SMCO2: variants seen among roughly 807,000 people sequenced by gnomAD.
SMCO2 encodes single-pass membrane protein with coiled-coil domains 2, also known as single-pass membrane and coiled-coil domain-containing protein 2.
SMCO2 carries 25 observed loss-of-function variants against 29.5 expected under a neutral mutation model. That is an observed-to-expected ratio of 0.85 (90% CI 0.62 to 1.18). The LOEUF is 1.18. Ranked by LOEUF, SMCO2 falls within the 50% of genes most tolerant of loss-of-function variation. The pLI is 0.00. For missense variants in SMCO2, 348 were observed against 344.5 expected, an observed-to-expected ratio of 1.01 and a Z score of -0.08; for synonymous variants, 117 against 123.3, an observed-to-expected ratio of 0.95 and a Z score of 0.34.
At chr12:27,500,628 T>C (rs1943064347) in intron 7 of SMCO2, among the ~76,000 whole-genome samples, 1 of 150,788 alleles carries the variant, frequency 6.6e-6, no homozygotes, top group Non-Finnish European at 1.5e-5. Flanking sequence ...ATTTACTAGA[T>C]AGTTTTCGTA....
intron 7 of SMCO2, among the ~76,000 whole-genome samples, chr12:27,498,814 A>T (rs1943042598): frequency 6.6e-6 from 1 of 150,640 alleles, no homozygotes; most frequent in Admixed American, 6.6e-5. Context: ...ACGGTCAACA[A>T]GCACATGAAA....
chr12:27,464,247 G>A (rs1949479691), upstream of SMCO2, among the ~76,000 whole-genome samples: 2 of 152,192 alleles, frequency 1.3e-5, no homozygotes, highest in African/African-American at 4.8e-5. Flanking sequence ...GAGTTGTTTG[G>A]CAGTGGAGAG....
intron 4 of SMCO2, among the ~76,000 whole-genome samples, chr12:27,477,634 C>CTTTTTTTTTTTTTTTTTT (rs3051833): frequency 2.7e-5 from 3 of 109,656 alleles, no homozygotes; most frequent in Non-Finnish European, 5.4e-5. Context: ...CTTTTTCATT[C>CTTTTTTTTTTTTTTTTTT]TTTTTTTTTT....
At chr12:27,480,424 C>T (rs424099) in intron 4 of SMCO2, among the ~76,000 whole-genome samples, 18,302 of 152,174 alleles carry the variant, frequency 0.12, 2,132 homozygotes, top group African/African-American at 0.28. Flanking sequence ...ACTTCCCAGC[C>T]ATCTAAGCAT....
At chr12:27,461,682 G>A in the SMCO2 span, among the ~76,000 whole-genome samples, 1 of 152,174 alleles carries the variant, frequency 6.6e-6, no homozygotes, top group Admixed American at 6.5e-5. Context: ...AACATTCATT[G>A]AATTACAATT....
chr12:27,431,426 C>G, the SMCO2 span, among the ~76,000 whole-genome samples: 559 of 152,308 alleles, frequency 3.7e-3, 4 homozygotes, highest in African/African-American at 0.012. Flanking sequence ...CATACCATTT[C>G]CTCTTCTCCT....
At chr12:27,472,346 A>G (rs2135546471) in intron 2 of SMCO2, among the ~76,000 whole-genome samples, 1 of 152,280 alleles carries the variant, frequency 6.6e-6, no homozygotes, top group South Asian at 2.1e-4. Context: ...GCTAGTAAAC[A>G]TTGTGAGGAG....
chr12:27,474,319 C>A (rs1390359511), intron 3 of SMCO2, among the ~76,000 whole-genome samples: 1 of 152,156 alleles, frequency 6.6e-6, no homozygotes, highest in Non-Finnish European at 1.5e-5. Flanking sequence ...ATTCTAATTT[C>A]TTTAATTGTC....
the SMCO2 span, among the ~76,000 whole-genome samples, chr12:27,427,214 A>T: frequency 6.6e-6 from 1 of 152,226 alleles, no homozygotes; most frequent in Non-Finnish European, 1.5e-5. Context: ...TATCCAGCCC[A>T]GTGGTTTTCA....
At chr12:27,488,326 C>A in intron 4 of SMCO2, 134 bp from the exon 6 acceptor site, 1 of 479,326 alleles carries the variant, frequency 2.1e-6, no homozygotes, top group Non-Finnish European at 3.5e-6. Flanking sequence ...CATTTACTTC[C>A]CATTGCAATA....
chr12:27,447,768 A>G, the SMCO2 span, among the ~76,000 whole-genome samples: 2 of 150,892 alleles, frequency 1.3e-5, no homozygotes, highest in Non-Finnish European at 3.0e-5. Flanking sequence ...GCCTCACTCC[A>G]GACCTCCTGA....
upstream of SMCO2, among the ~76,000 whole-genome samples, chr12:27,462,844 A>G (rs1369834309): frequency 6.6e-6 from 1 of 152,200 alleles, no homozygotes; most frequent in Non-Finnish European, 1.5e-5. Flanking sequence ...ACTCCCCTCT[A>G]AGTTTACTTC....
At chr12:27,482,956 G>T (rs1327574334) in intron 4 of SMCO2, among the ~76,000 whole-genome samples, 4 of 152,144 alleles carry the variant, frequency 2.6e-5, no homozygotes, top group Non-Finnish European at 4.4e-5. Flanking sequence ...TGGACTTCTG[G>T]CCTCAAGCAA....
At chr12:27,491,929 T>G (rs964687050) in intron 5 of SMCO2, among the ~76,000 whole-genome samples, 4 of 151,964 alleles carry the variant, frequency 2.6e-5, no homozygotes, top group Non-Finnish European at 4.4e-5. Context: ...AGGCTGGTCT[T>G]GAACTCCCGA....
At position 27,495,965 on chromosome 12, in the gene SMCO2, C is replaced by T. The variant is rs553593246; in HGVS notation, c.683+110C>T. The T allele has an allele frequency of 2.8e-4, 309 of 1,114,624 alleles. 4 individuals are homozygous for T. The South Asian group carries it at 6.4e-3, about 23-fold the overall frequency. The allele number at this position is 1,114,624 out of a possible 1,614,324, so 69.0% of individuals were successfully genotyped here. The stretch of plus-strand genomic sequence containing the variant: ...TGACTAAAATGTTTTGTTTTATTTT[C>T]GTTTGTAAATTATCTATGTTCTTTA... On this transcript the variant is annotated intron_variant, in intron 7 of 7. Transcript: ENST00000298876.
chr12:27,480,501 C>T (rs922111957), intron 4 of SMCO2, among the ~76,000 whole-genome samples: 1 of 152,156 alleles, frequency 6.6e-6, no homozygotes, highest in Non-Finnish European at 1.5e-5. Context: ...CAACTTGGCA[C>T]TCATATGGTT....
intron 4 of SMCO2, among the ~76,000 whole-genome samples, chr12:27,476,351 G>A (rs1432429786): frequency 6.6e-6 from 1 of 152,204 alleles, no homozygotes; most frequent in Non-Finnish European, 1.5e-5. Context: ...TGCATTAAAT[G>A]TTCTGTAAAT....
chr12:27,500,722 A>G (rs553919605), intron 7 of SMCO2, among the ~76,000 whole-genome samples: 1 of 150,724 alleles, frequency 6.6e-6, no homozygotes, highest in Admixed American at 6.6e-5. Context: ...TCCTGTTATC[A>G]GCTCTCTAAG....
upstream of SMCO2, among the ~76,000 whole-genome samples, chr12:27,465,070 A>AAG (rs368882896): frequency 3.5e-4 from 53 of 150,478 alleles, no homozygotes; most frequent in African/African-American, 8.3e-4. Context: ...AGAAAAGAAA[A>AAG]AGAGAGAGAG....
Sources: allele counts gnomAD v4.1 joint callset (sites outside exome capture counted in the v4.1 genomes callset), GRCh38; gene constraint gnomAD v4.1.1; transcripts MANE v1.5; gene names NCBI Gene and HGNC (gene_info 2026-07-23, HGNC 2026-07-21).